The following ARL14EPL variants were observed in gnomAD, a reference collection of about 807,000 sequenced individuals.
The protein encoded by ARL14EPL is ARF like GTPase 14 effector protein like.
In ARL14EPL, 17 loss-of-function variants were observed where a neutral mutation model predicts 15.9. The ratio of observed to expected loss-of-function variants is 1.07; its 90% CI spans 0.73 to 1.60. The LOEUF (loss-of-function observed/expected upper bound fraction) is 1.60, where lower values mean the gene tolerates loss of function less well. Ranked by LOEUF, ARL14EPL falls within the 40% of genes most tolerant of loss-of-function variation. ARL14EPL has a pLI of 0.00. For synonymous variants in ARL14EPL, 78 were observed against 63.8 expected (o/e 1.22, Z -1.06); for missense variants, 214 against 185.9 (o/e 1.15, Z -0.88).
At chr5:116,043,477 A>T (rs1422649783) in intron 1 of ARL14EPL, among the ~76,000 whole-genome samples, 2 of 152,146 alleles carry the variant, frequency 1.3e-5, no homozygotes, top group East Asian at 3.9e-4. Flanking sequence ...TGCAAATTTA[A>T]TGAGGTATTA....
intron 1 of ARL14EPL, among the ~76,000 whole-genome samples, chr5:116,036,703 C>G (rs945007245): frequency 6.6e-6 from 1 of 152,238 alleles, no homozygotes; most frequent in East Asian, 1.9e-4. Flanking sequence ...TAGAAATATG[C>G]TTACATGTCT....
In ARL14EPL at chr5:116,046,609, A is replaced by G. The variant is rs1288518398; in HGVS notation, c.-9-4848A>G. On this transcript the variant is annotated intron_variant, in intron 1 of 3. Coordinates refer to ENST00000686077, the MANE Select transcript of ARL14EPL (RefSeq NM_001195581.2). The stretch of plus-strand genomic sequence containing the variant: ...TGAGGCTTAAAAGTAAACATCATGT[A>G]TCCATCATAGATAATTCAGCCATCA... 7.9e-5 allele frequency among the ~76,000 whole-genome samples: 12 copies of G among 152,282 alleles called. No individual in the cohort carries two copies. In the East Asian group the frequency reaches 1.4e-3, roughly 17 times the overall value.
At chr5:116,041,341 A>G (rs950932380) in intron 1 of ARL14EPL, among the ~76,000 whole-genome samples, 9 of 152,162 alleles carry the variant, frequency 5.9e-5, no homozygotes, top group African/African-American at 2.2e-4. Flanking sequence ...ATATGTATTT[A>G]TTTACTGGCA....
chr5:116,035,526 A>G (rs1749033545), intron 1 of ARL14EPL, among the ~76,000 whole-genome samples: 1 of 152,228 alleles, frequency 6.6e-6, no homozygotes, highest in Non-Finnish European at 1.5e-5. Flanking sequence ...TGGGTATTGG[A>G]GAACCAAAAT....
intron 1 of ARL14EPL, among the ~76,000 whole-genome samples, chr5:116,046,973 C>T (rs1026912031): frequency 6.6e-6 from 1 of 152,068 alleles, no homozygotes; most frequent in South Asian, 2.1e-4. Context: ...TGTGTGCATA[C>T]CAAGAAAAGG....
In ARL14EPL at chr5:116,059,127, C is replaced by T; in HGVS notation, c.*180C>T. 1.6e-6 allele frequency: 1 copy of T among 626,614 alleles called. No homozygotes were observed. The highest frequency in any genetic ancestry group is 2.0e-5 in the South Asian group (1 of 49,162). 38.8% of individuals were successfully genotyped at this position (626,614 alleles called of 1,614,324 possible). A position where few individuals can be genotyped will look rare whatever the true frequency, so the allele number is the denominator to read the frequency against. ...AATTCTGTAACCTTCTTAACTGTGT[C>T]AACAATTTTCAAGTCCCTTAACTTG... On this transcript the variant is annotated 3_prime_UTR_variant, in exon 4 of 4. Coordinates refer to ENST00000686077, the MANE Select transcript of ARL14EPL (RefSeq NM_001195581.2).
chr5:116,045,834 T>C (rs146354917), intron 1 of ARL14EPL, among the ~76,000 whole-genome samples: 1 of 152,178 alleles, frequency 6.6e-6, no homozygotes, highest in African/African-American at 2.4e-5. Context: ...GTGGATACTG[T>C]AGATAAAGTT....
chr5:116,049,463 T>A (rs566835653), intron 1 of ARL14EPL, among the ~76,000 whole-genome samples: 201 of 152,330 alleles, frequency 1.3e-3, no homozygotes, highest in African/African-American at 4.5e-3. Context: ...CAAAGTGTAA[T>A]TAATTAAATT....
At chr5:116,035,494 A>G (rs1466862945) in intron 1 of ARL14EPL, among the ~76,000 whole-genome samples, 1 of 152,212 alleles carries the variant, frequency 6.6e-6, no homozygotes, top group Admixed American at 6.5e-5. Flanking sequence ...GGCTTTTTTG[A>G]CTGCGAACTG....
Position 116,058,972 on chromosome 5 carries a change from G to A in ARL14EPL, c.*25G>A. The A allele has an allele frequency of 2.0e-6, 3 of 1,524,456 alleles. No individual in the cohort carries two copies. The highest frequency in any genetic ancestry group is 1.4e-5 in the African/African-American group (1 of 72,848). The allele number at this position is 1,524,456 out of a possible 1,614,324, so 94.4% of individuals were successfully genotyped here. A position where few individuals can be genotyped will look rare whatever the true frequency, so the allele number is the denominator to read the frequency against. ...GGTGCTCTTGTATATGGACTGATTT[G>A]TTTCTTCTTCTTACACATTTAAGTT... On this transcript the variant is annotated 3_prime_UTR_variant, in exon 4 of 4. Coordinates refer to ENST00000686077, the MANE Select transcript of ARL14EPL (RefSeq NM_001195581.2).
chr5:116,050,780 ATCTCTCTCTCTCTC>A (rs141191776), intron 1 of ARL14EPL, among the ~76,000 whole-genome samples: 9 of 128,864 alleles, frequency 7.0e-5, no homozygotes, highest in Admixed American at 1.6e-4. Context: ...TATGGGCTCC[ATCTCTCTCTCTCTC>A]TCTCTCTCTC....
intron 3 of ARL14EPL, among the ~76,000 whole-genome samples, chr5:116,055,091 A>T (rs1335060653): frequency 2.0e-5 from 3 of 152,192 alleles, no homozygotes; most frequent in Non-Finnish European, 4.4e-5. Context: ...CAGACATTTC[A>T]TAGAGGAAAC....
intron 2 of ARL14EPL, among the ~76,000 whole-genome samples, chr5:116,053,609 T>G (rs1396496): frequency 0.67 from 101,819 of 151,724 alleles, 35,495 homozygotes; most frequent in Non-Finnish European, 0.79. Context: ...CTCACTGTGG[T>G]TTGAGACACT....
intron 1 of ARL14EPL, among the ~76,000 whole-genome samples, chr5:116,034,749 T>C (rs872384): frequency 0.33 from 49,645 of 151,998 alleles, 8,600 homozygotes; most frequent in East Asian, 0.42. Flanking sequence ...TATGAGGCAG[T>C]GTGTCCAGTA....
intron 3 of ARL14EPL, 119 bp downstream of exon 3, chr5:116,054,272 A>C: frequency 8.7e-7 from 1 of 1,151,890 alleles, no homozygotes; most frequent in Non-Finnish European, 1.2e-6. Flanking sequence ...ATCTCCTCTG[A>C]AATATAATAG....
rs117419506 is a variant in ARL14EPL, at chr5:116,048,626, G to A, written c.-9-2831G>A. Among the ~76,000 whole-genome samples, 48 of 152,258 alleles carry A rather than the reference G, an allele frequency of 3.2e-4. 3 individuals carry two copies. The East Asian group carries it at 9.1e-3, about 29-fold the overall frequency. On this transcript the variant is annotated intron_variant, in intron 1 of 3. Coordinates refer to ENST00000686077, the MANE Select transcript of ARL14EPL (RefSeq NM_001195581.2). ...TCTAGTAGCATGTCTAAGAGCTACTGTTATCTTGAAGAAGTGATGAACATA... is the reference window on the plus strand; with the variant it reads ...TCTAGTAGCATGTCTAAGAGCTACTATTATCTTGAAGAAGTGATGAACATA...
chr5:116,058,527 C>A (rs551583049), intron 3 of ARL14EPL, among the ~76,000 whole-genome samples, 198 bp from the exon 4 acceptor site: 1 of 152,188 alleles, frequency 6.6e-6, no homozygotes. Context: ...TTTCCCGTGA[C>A]GTCACTGCCG....
chr5:116,059,038 T>A lies in ARL14EPL; in HGVS notation c.*91T>A. 7 of 1,244,246 alleles carry A rather than the reference T, an allele frequency of 5.6e-6. No individual in the cohort carries two copies. In the Admixed American group the frequency reaches 6.4e-5, roughly 11 times the overall value. The allele number at this position is 1,244,246 out of a possible 1,614,324, so 77.1% of individuals were successfully genotyped here. A position where few individuals can be genotyped will look rare whatever the true frequency, so the allele number is the denominator to read the frequency against. ...GGTGAATTTTAGGGCTTGGGGGAAA[T>A]ATCGAAAAAACATACTGAAGACTCA... On this transcript the variant is annotated 3_prime_UTR_variant, in exon 4 of 4. Transcript: ENST00000686077.
At chr5:116,037,620 G>T (rs909682214) in intron 1 of ARL14EPL, among the ~76,000 whole-genome samples, 6 of 152,170 alleles carry the variant, frequency 3.9e-5, no homozygotes, top group East Asian at 3.8e-4. Flanking sequence ...TGGATTAGGG[G>T]TTTTGTGCCA....
Sources: gnomAD v4.1 joint callset for allele counts (sites outside exome capture counted in the v4.1 genomes callset) on GRCh38, gnomAD v4.1.1 for gene constraint, MANE v1.5 for transcripts, NCBI Gene and HGNC (gene_info 2026-07-23, HGNC 2026-07-21) for gene names.